The following CD68 variants were observed in gnomAD, a reference collection of about 807,000 sequenced individuals.
CD68 encodes CD68 molecule, also known as macrosialin.
A neutral mutation model predicts 31.3 loss-of-function variants in CD68; 24 were observed. The observed-to-expected ratio is 0.77, with a 90% CI of 0.55 to 1.08. The LOEUF (loss-of-function observed/expected upper bound fraction) is 1.08, where lower values mean the gene tolerates loss of function less well. Ranked by LOEUF, CD68 falls within the 50% of genes least tolerant of loss-of-function variation. CD68 has a pLI of 0.00. For missense variants in CD68, 461 were observed against 442.5 expected, an observed-to-expected ratio of 1.04 and a Z score of -0.38; for synonymous variants, 190 against 179.6, an observed-to-expected ratio of 1.06 and a Z score of -0.46.
Position 7,580,920 on chromosome 17 carries a change from C to A in CD68, c.785C>A (p.Ala262Glu). 2.5e-6 allele frequency: 4 copies of A among 1,614,004 alleles called. No individual in the cohort carries two copies. The highest frequency in any genetic ancestry group is 3.4e-6 in the Non-Finnish European group (4 of 1,179,952). Residue 262 changes from alanine to glutamate, a missense_variant, in exon 5 of 6, where the codon GCA becomes GAA. Coordinates refer to ENST00000250092, the MANE Select transcript of CD68 (RefSeq NM_001251.3). The surrounding 1 kb of genome is among the most constrained non-coding windows in gnomAD (Gnocchi z 4.3). The part of the protein sequence containing the change: ...AAQWTFSAQN[A>E]SLRDLQAPLG... ...GAGTGGACATTCTCGGCTCAGAATG[C>A]ATCCCTTCGAGATCTCCAAGCACCC...
chr17:7,579,751 A>AG (rs779323499), intron 1 of CD68, 25 bp downstream of exon 1: 4 of 1,601,292 alleles, frequency 2.5e-6, no homozygotes, highest in Non-Finnish European at 3.4e-6. Flanking sequence ...GGCTGAGGGG[A>AG]GGGGGCCCCT....
chr17:7,581,816 T>C lies in CD68; in HGVS notation c.*305T>C. ...ATCCCAGCTGGCCTGTAATCCCAGC[T>C]ACTTGGGAGGCTGAGGCAGAACTGC... is the stretch of plus-strand genomic sequence containing the variant. On this transcript the variant is annotated 3_prime_UTR_variant, in exon 6 of 6. Coordinates refer to ENST00000250092, the MANE Select transcript of CD68 (RefSeq NM_001251.3). The C allele has an allele frequency of 3.0e-6, 1 of 329,710 alleles. No homozygotes were observed. Among genetic ancestry groups the C allele is most frequent in the Non-Finnish European group, 5.9e-6 (1 of 168,320 alleles). The allele number at this position is 329,710 out of a possible 1,614,324, so 20.4% of individuals were successfully genotyped here.
At position 7,579,815 on chromosome 17, in the gene CD68, G is replaced by A. The variant is rs767620665; in HGVS notation, c.55G>A (p.Gly19Arg). 2.5e-6 allele frequency: 4 copies of A among 1,612,834 alleles called. 1 individual carries two copies. The highest frequency in any genetic ancestry group is 1.7e-6 in the Non-Finnish European group (2 of 1,179,144). ...GALLGLLAAQGTGNDCPHKKS... is the reference protein window; with the variant it reads ...GALLGLLAAQRTGNDCPHKKS... ...CATCTCCTCTCTGCCAAAAGCCCAG[G>A]GGACAGGGAATGACTGTCCTCACAA... Residue 19 changes from glycine to arginine, a missense_variant, in exon 2 of 6, where the codon GGG (glycine) becomes AGG (arginine). Coordinates refer to ENST00000250092, the MANE Select transcript of CD68 (RefSeq NM_001251.3).
At position 7,580,507 on chromosome 17, in the gene CD68, C is replaced by G. The variant is rs766157938; in HGVS notation, c.609C>G (p.Val203=). 1 of 1,614,060 alleles carries G rather than the reference C, an allele frequency of 6.2e-7. No homozygotes were observed. Among genetic ancestry groups the G allele is most frequent in the Admixed American group, 1.7e-5 (1 of 60,010 alleles). ...ISVLNPNKTK[V]QGSCEGAHPH... ...TACTGAACCCCAACAAAACCAAGGT[C>G]CAGGGAAGCTGTGAGGGTGCCCATC... The change falls in exon 3 of 6, where the codon GTC becomes GTG. Residue 203 remains valine (V), a synonymous_variant. Coordinates refer to ENST00000250092, the MANE Select transcript of CD68 (RefSeq NM_001251.3). The surrounding 1 kb of genome is among the most constrained non-coding windows in gnomAD (Gnocchi z 4.3).
At position 7,581,462 on chromosome 17, in the gene CD68, T is replaced by C; in HGVS notation, c.1016T>C (p.Ile339Thr). 2.5e-6 allele frequency: 4 copies of C among 1,614,180 alleles called. No homozygotes were observed. Among genetic ancestry groups the C allele is most frequent in the Non-Finnish European group, 2.5e-6 (3 of 1,180,036 alleles). The change falls in exon 6 of 6, where the codon ATT becomes ACT. Residue 339 changes from isoleucine to threonine, a missense_variant. Physicochemically the swap from Ile to Thr is moderately conservative, Grantham distance 89. Coordinates refer to ENST00000250092, the MANE Select transcript of CD68 (RefSeq NM_001251.3). The part of the protein sequence containing the change: ...ILLGLLALVL[I>T]AFCIIRRRPS... ...CTTGGCCTCCTCGCCCTGGTGCTTATTGCTTTCTGCATCATCCGGAGACGC... is the reference window on the plus strand; with the variant it reads ...CTTGGCCTCCTCGCCCTGGTGCTTACTGCTTTCTGCATCATCCGGAGACGC...
chr17:7,581,621 T>A lies in CD68; in HGVS notation c.*110T>A. On this transcript the variant is annotated 3_prime_UTR_variant, in exon 6 of 6. Transcript: ENST00000250092. The stretch of plus-strand genomic sequence containing the variant: ...AAGACAATGTTATTTTCCTTCCCTT[T>A]CTTGAAGAACAAAAAGAAAGCCGGG... 1.6e-6 allele frequency: 2 copies of A among 1,233,022 alleles called. No homozygotes were observed. The highest frequency in any genetic ancestry group is 4.8e-5 in the East Asian group (2 of 42,000). 76.4% of individuals were successfully genotyped at this position (1,233,022 alleles called of 1,614,324 possible).
At chr17:7,581,150 T>A (rs2071479902) in intron 5 of CD68, 84 bp downstream of exon 5, 2 of 1,308,070 alleles carry the variant, frequency 1.5e-6, no homozygotes, top group Non-Finnish European at 2.2e-6. Context: ...CACTCATCTC[T>A]CTTCTTAACC....
rs2071472158 is a variant in CD68, at chr17:7,580,646, T to G, written c.687+61T>G. The G allele has an allele frequency of 6.2e-7, 1 of 1,613,196 alleles. No homozygotes were observed. The highest frequency in any genetic ancestry group is 1.3e-5 in the African/African-American group (1 of 74,774). Reference sequence around the variant, plus strand: ...CCTCCCGGCGCCCCTCCCCTCCCAATCCCACACGCTACTCCTTCCTCTGTG... The same window carrying G: ...CCTCCCGGCGCCCCTCCCCTCCCAAGCCCACACGCTACTCCTTCCTCTGTG... On this transcript the variant is annotated intron_variant, in intron 3 of 5. Coordinates refer to ENST00000250092, the MANE Select transcript of CD68 (RefSeq NM_001251.3). The surrounding 1 kb of genome is among the most constrained non-coding windows in gnomAD (Gnocchi z 4.3).
At position 7,579,994 on chromosome 17, in the gene CD68, T is replaced by A. The variant is rs760836546; in HGVS notation, c.234T>A (p.Thr78=). The change falls in exon 2 of 6, where the codon ACT becomes ACA. Residue 78 remains threonine, a synonymous_variant. Transcript: ENST00000250092. ...CCAGCCACGGACCCACGACTGCCAC[T>A]CACAACCCCACCACCACCAGCCATG... ...GTTSHGPTTA[T]HNPTTTSHGN... 2.5e-6 allele frequency: 4 copies of A among 1,608,164 alleles called. No individual in the cohort carries two copies. In the African/African-American group the frequency reaches 4.0e-5, roughly 16 times the overall value.
chr17:7,580,657 A>G lies in CD68; in HGVS notation c.688-54A>G, dbSNP rs2150930108. Reference sequence around the variant, plus strand: ...CCCTCCCCTCCCAATCCCACACGCTACTCCTTCCTCTGTGGAGAGGGATAC... The same window carrying G: ...CCCTCCCCTCCCAATCCCACACGCTGCTCCTTCCTCTGTGGAGAGGGATAC... On this transcript the variant is annotated intron_variant, in intron 3 of 5. Coordinates refer to ENST00000250092, the MANE Select transcript of CD68 (RefSeq NM_001251.3). The surrounding 1 kb of genome is among the most constrained non-coding windows in gnomAD (Gnocchi z 4.3). 6.2e-7 allele frequency: 1 copy of G among 1,612,284 alleles called. No individual in the cohort carries two copies. The highest frequency in any genetic ancestry group is 8.5e-7 in the Non-Finnish European group (1 of 1,179,338).
Position 7,579,967 on chromosome 17 carries a change from C to T in CD68, c.207C>T (p.Thr69=), listed in dbSNP as rs779474397. 3.1e-6 allele frequency: 5 copies of T among 1,613,660 alleles called. No individual in the cohort carries two copies. The South Asian group carries it at 5.5e-5, about 18-fold the overall frequency. Residue 69 remains threonine, a synonymous_variant, in exon 2 of 6, where the codon ACC becomes ACT. Coordinates refer to ENST00000250092, the MANE Select transcript of CD68 (RefSeq NM_001251.3). The part of the protein sequence containing the change: ...TTTHRTTTTG[T]TSHGPTTATH... ...CTCACAGGACAACCACCACAGGCAC[C>T]ACCAGCCACGGACCCACGACTGCCA...
chr17:7,580,105 T>C lies in CD68; in HGVS notation c.345T>C (p.Ser115=), dbSNP rs372389596. The change falls in exon 2 of 6, where the codon AGT becomes AGC. Residue 115 remains serine (S), a synonymous_variant. Coordinates refer to ENST00000250092, the MANE Select transcript of CD68 (RefSeq NM_001251.3). The surrounding 1 kb of genome is among the most constrained non-coding windows in gnomAD (Gnocchi z 4.3). ...STATHSPATT[S]HGNATVHPTS... is the part of the protein sequence containing the mutation. ...CCACTCACAGTCCTGCCACCACTAG[T>C]CATGGAAATGCCACGGTTCATCCAA... is the stretch of plus-strand genomic sequence containing the variant. The C allele has an allele frequency of 1.2e-5, 19 of 1,613,524 alleles. No homozygotes were observed. The highest frequency in any genetic ancestry group is 1.3e-5 in the Non-Finnish European group (15 of 1,179,872).
Position 7,579,835 on chromosome 17 carries a change from TCA to T in CD68, c.78_79del (p.His26GlnfsTer71). On this transcript the variant is annotated frameshift_variant, in exon 2 of 6. Transcript: ENST00000250092. LOFTEE classifies it high-confidence loss of function. ...AAQGTGNDCPHKKSATLLPSF... is the reference protein window; with the variant it reads ...AAQGTGNDCPXKKSATLLPSF... Reference sequence around the variant, plus strand: ...CCCAGGGGACAGGGAATGACTGTCCTCACAAAAAATCAGCTACTTTGCTGCCA... The same window carrying T: ...CCCAGGGGACAGGGAATGACTGTCCTCAAAAAATCAGCTACTTTGCTGCCA... 1 of 1,613,682 alleles carries T rather than the reference TCA, an allele frequency of 6.2e-7. No individual in the cohort carries two copies. The highest frequency in any genetic ancestry group is 1.3e-5 in the African/African-American group (1 of 74,910).
At position 7,581,846 on chromosome 17, in the gene CD68, A is replaced by C. The variant is rs1597857014; in HGVS notation, c.*335A>C. On this transcript the variant is annotated 3_prime_UTR_variant, in exon 6 of 6. Coordinates refer to ENST00000250092, the MANE Select transcript of CD68 (RefSeq NM_001251.3). ...GGGAGGCTGAGGCAGAACTGCTTGA[A>C]CCCAGGAGGTGGAGGTTGCAGTGAG... is the stretch of plus-strand genomic sequence containing the variant. 3.6e-6 allele frequency: 1 copy of C among 278,974 alleles called. No homozygotes were observed. The allele number at this position is 278,974 out of a possible 1,614,324, so 17.3% of individuals were successfully genotyped here. A position where few individuals can be genotyped will look rare whatever the true frequency, so the allele number is the denominator to read the frequency against.
At position 7,579,987 on chromosome 17, in the gene CD68, C is replaced by T. The variant is rs200044298; in HGVS notation, c.227C>T (p.Thr76Ile). The change falls in exon 2 of 6, where the codon ACT becomes ATT. Residue 76 changes from threonine to isoleucine, a missense_variant. Thr to Ile is a moderately conservative substitution (Grantham distance 89, BLOSUM62 -1). Coordinates refer to ENST00000250092, the MANE Select transcript of CD68 (RefSeq NM_001251.3). ...TTGTTSHGPTTATHNPTTTSH... is the reference protein window; with the variant it reads ...TTGTTSHGPTIATHNPTTTSH... ...GGCACCACCAGCCACGGACCCACGA[C>T]TGCCACTCACAACCCCACCACCACC... The T allele has an allele frequency of 1.3e-4, 205 of 1,609,234 alleles. No individual in the cohort carries two copies. The East Asian group carries it at 4.5e-3, about 35-fold the overall frequency.
In CD68 at chr17:7,580,149, C is replaced by T. The variant is rs2150929668; in HGVS notation, c.389C>T (p.Thr130Ile). The change falls in exon 2 of 6, where the codon ACC becomes ATC. Residue 130 changes from threonine to isoleucine, a missense_variant. Physicochemically the swap from Thr to Ile is moderately conservative, Grantham distance 89 (BLOSUM62 -1). Transcript: ENST00000250092. This position sits in a 1 kb window ranked among gnomAD's most constrained non-coding sequence, Gnocchi z 4.3. ...TVHPTSNSTATSPGFTSSAHP... is the reference protein window; with the variant it reads ...TVHPTSNSTAISPGFTSSAHP... ...CATCCAACAAGCAACAGCACTGCCA[C>T]CAGCCCAGGATTCACCAGTTCTGCC... The T allele has an allele frequency of 1.2e-6, 2 of 1,614,198 alleles. No individual in the cohort carries two copies. Among genetic ancestry groups the T allele is most frequent in the East Asian group, 2.2e-5 (1 of 44,880 alleles).
Position 7,580,759 on chromosome 17 carries a change from A to C in CD68, c.736A>C (p.Asn246His), listed in dbSNP as rs778134121. Reference protein sequence around the residue: ...VYLSYMAVEYNVSFPHAAQWT... With the variant: ...VYLSYMAVEYHVSFPHAAQWT... ...CCTGAGCTACATGGCGGTGGAGTAC[A>C]ATGTGTCCTTCCCCCACGCAGCACG... Residue 246 changes from asparagine to histidine, a missense_variant, in exon 4 of 6, where the codon AAT becomes CAT. Asn to His is a moderately conservative substitution (Grantham distance 68). Coordinates refer to ENST00000250092, the MANE Select transcript of CD68 (RefSeq NM_001251.3). The surrounding 1 kb of genome is among the most constrained non-coding windows in gnomAD (Gnocchi z 4.3). 3.7e-6 allele frequency: 6 copies of C among 1,613,978 alleles called. No individual in the cohort carries two copies. Among genetic ancestry groups the C allele is most frequent in the Non-Finnish European group, 5.1e-6 (6 of 1,179,992 alleles).
intron 5 of CD68, 70 bp from the exon 6 acceptor site, chr17:7,581,308 T>A: frequency 6.4e-7 from 1 of 1,570,502 alleles, no homozygotes; most frequent in Non-Finnish European, 8.8e-7. Context: ...CATCCCCCCA[T>A]TCCCTCCTCC....
Position 7,579,921 on chromosome 17 carries a change from C to T in CD68, c.161C>T (p.Thr54Ile). 6.2e-7 allele frequency: 1 copy of T among 1,614,076 alleles called. No individual in the cohort carries two copies. The highest frequency in any genetic ancestry group is 1.1e-5 in the South Asian group (1 of 91,074). Residue 54 changes from threonine to isoleucine, a missense_variant, in exon 2 of 6, where the codon ACC becomes ATC. Physicochemically the swap from Thr to Ile is moderately conservative, Grantham distance 89. Coordinates refer to ENST00000250092, the MANE Select transcript of CD68 (RefSeq NM_001251.3). The part of the protein sequence containing the change: ...ESTGTTSHRT[T>I]KSHKTTTHRT... ...ACTGGAACAACCAGCCACAGGACTACCAAGAGCCACAAAACCACCACTCAC... is the reference window on the plus strand; with the variant it reads ...ACTGGAACAACCAGCCACAGGACTATCAAGAGCCACAAAACCACCACTCAC...
Sources: allele counts gnomAD v4.1 joint callset, GRCh38; gene constraint gnomAD v4.1.1; non-coding constraint Gnocchi (gnomAD v3.1); transcripts MANE v1.5; gene names NCBI Gene and HGNC (gene_info 2026-07-23, HGNC 2026-07-21).